ACVR1: variants seen among roughly 807,000 people sequenced by gnomAD.
The protein encoded by ACVR1 is activin receptor type-1.
ACVR1 carries 38 observed loss-of-function variants against 57.1 expected under a neutral mutation model. The ratio of observed to expected loss-of-function variants is 0.67; its 90% CI spans 0.51 to 0.87. ACVR1 has a LOEUF of 0.87. Among genes scored for constraint, ACVR1 ranks in the 40% least tolerant of loss-of-function variants. The probability of loss-of-function intolerance (pLI) is 0.00; values close to 1 mark genes in which losing one functional copy is unlikely to be tolerated. For synonymous variants in ACVR1, 212 were observed against 228.1 expected (o/e 0.93, Z 0.63); for missense variants, 463 against 638.2 (o/e 0.73, Z 2.96).
intron 1 of ACVR1, among the ~76,000 whole-genome samples, chr2:157,822,027 TTGGCTTCTAGAAACTG>T (rs1410504955): frequency 6.6e-6 from 1 of 152,320 alleles, no homozygotes; most frequent in South Asian, 2.1e-4. Context: ...AATCATATCC[TTGGCTTCTAGAAACTG>T]TGGCTTCTAA....
chr2:157,861,839 T>C (rs953696903), intron 1 of ACVR1, among the ~76,000 whole-genome samples: 7 of 152,358 alleles, frequency 4.6e-5, no homozygotes, highest in African/African-American at 1.7e-4. Flanking sequence ...TTCACCACCC[T>C]TTAACTTCAA....
chr2:157,831,889 A>G (rs974232550), intron 1 of ACVR1, among the ~76,000 whole-genome samples: 3 of 152,226 alleles, frequency 2.0e-5, no homozygotes, highest in African/African-American at 7.2e-5. Flanking sequence ...CTACACTAAA[A>G]ACCACTGAAT....
chr2:157,865,661 G>A (rs968897859), intron 1 of ACVR1, among the ~76,000 whole-genome samples: 25 of 151,842 alleles, frequency 1.6e-4, no homozygotes, highest in Middle Eastern at 3.4e-3. Context: ...GCGTGGTGGC[G>A]CATGCTTGTA....
intron 6 of ACVR1, among the ~76,000 whole-genome samples, chr2:157,772,530 T>C (rs1043734846): frequency 6.6e-6 from 1 of 152,196 alleles, no homozygotes; most frequent in African/African-American, 2.4e-5. Context: ...CTGAGGAATA[T>C]CTATAGAACC....
chr2:157,819,743 G>A (rs564267097), intron 1 of ACVR1, among the ~76,000 whole-genome samples: 80 of 142,284 alleles, frequency 5.6e-4, no homozygotes, highest in African/African-American at 2.0e-3. Flanking sequence ...GGGAAGAGGA[G>A]GGGAGGCTCT....
At chr2:157,865,888 G>T (rs890152939) in intron 1 of ACVR1, among the ~76,000 whole-genome samples, 1 of 151,110 alleles carries the variant, frequency 6.6e-6, no homozygotes, top group East Asian at 1.9e-4. Flanking sequence ...TTCTGCAGGC[G>T]TGGGGATATA....
At chr2:157,874,102 A>G (rs1690199246) in intron 1 of ACVR1, among the ~76,000 whole-genome samples, 1 of 152,164 alleles carries the variant, frequency 6.6e-6, no homozygotes, top group Non-Finnish European at 1.5e-5. Context: ...CATGAACCCA[A>G]TCTATAATCA....
At chr2:157,757,330 C>T (rs1484084628) in intron 9 of ACVR1, among the ~76,000 whole-genome samples, 1 of 151,516 alleles carries the variant, frequency 6.6e-6, no homozygotes, top group African/African-American at 2.4e-5. Flanking sequence ...TTATCCCTAT[C>T]CCCCAAAAAA....
chr2:157,866,024 A>G (rs1393901083), intron 1 of ACVR1, among the ~76,000 whole-genome samples: 2 of 152,300 alleles, frequency 1.3e-5, no homozygotes, highest in African/African-American at 4.8e-5. Context: ...TTGTGCACAC[A>G]TATTCCTGTC....
chr2:157,753,188 T>C (rs1448309818), intron 9 of ACVR1, among the ~76,000 whole-genome samples: 1 of 152,202 alleles, frequency 6.6e-6, no homozygotes. Flanking sequence ...AAACAAACTT[T>C]AAAGCAACAT....
rs571637254 is a variant in ACVR1, at chr2:157,758,535, G to T, written c.1264+2345C>A. On this transcript the variant is annotated intron_variant, in intron 9 of 10. Coordinates refer to ENST00000434821, the MANE Select transcript of ACVR1 (RefSeq NM_001111067.4). ...TCTAGATATATATGCACCCAACACT[G>T]GAGCATTTTTATACAAAGCAAATAT... Among the ~76,000 whole-genome samples, 12 of 152,008 alleles carry T rather than the reference G, an allele frequency of 7.9e-5. No individual in the cohort carries two copies. In the South Asian group the frequency reaches 2.5e-3, roughly 32 times the overall value.
intron 1 of ACVR1, among the ~76,000 whole-genome samples, chr2:157,836,385 C>T (rs1235070289): frequency 5.3e-5 from 8 of 152,196 alleles, no homozygotes; most frequent in Admixed American, 5.2e-4. Flanking sequence ...AGCCAGGAAC[C>T]TTGAGACAGC....
chr2:157,810,354 G>C (rs977461528), intron 2 of ACVR1, among the ~76,000 whole-genome samples: 1 of 152,174 alleles, frequency 6.6e-6, no homozygotes, highest in Non-Finnish European at 1.5e-5. Context: ...GTAAGAACAT[G>C]ATGGGGGACA....
At chr2:157,766,268 G>C in intron 7 of ACVR1, 72 bp from the exon 8 acceptor site, 1 of 1,464,734 alleles carries the variant, frequency 6.8e-7, no homozygotes, top group Non-Finnish European at 9.5e-7. Flanking sequence ...TAGAAATAGC[G>C]ACCTACACAG....
At chr2:157,804,889 T>C (rs1185976589) in intron 2 of ACVR1, among the ~76,000 whole-genome samples, 2 of 152,196 alleles carry the variant, frequency 1.3e-5, no homozygotes, top group Non-Finnish European at 2.9e-5. Context: ...CTGTATGTAG[T>C]TAAGAAGCTA....
intron 3 of ACVR1, among the ~76,000 whole-genome samples, chr2:157,789,464 G>A (rs1356279766): frequency 3.9e-5 from 6 of 152,196 alleles, no homozygotes; most frequent in African/African-American, 1.4e-4. Flanking sequence ...TCTGGCTCCT[G>A]TAGCTGCAGA....
rs183710212 is a variant in ACVR1, at chr2:157,836,157, T to C, written c.-182-17598A>G. 1.0e-4 allele frequency among the ~76,000 whole-genome samples: 16 copies of C among 152,394 alleles called. 1 individual carries two copies. The highest frequency in any genetic ancestry group is 3.8e-4 in the African/African-American group (16 of 41,602). ...ATCTAATATTCATCATGGGGAGTCGTATTTCCTCAGAGCAGGCTCTCTACT... is the reference window on the plus strand; with the variant it reads ...ATCTAATATTCATCATGGGGAGTCGCATTTCCTCAGAGCAGGCTCTCTACT... On this transcript the variant is annotated intron_variant, in intron 1 of 10. Transcript: ENST00000434821.
intron 1 of ACVR1, among the ~76,000 whole-genome samples, chr2:157,874,466 G>A (rs532059343): frequency 6.6e-6 from 1 of 152,328 alleles, no homozygotes; most frequent in Non-Finnish European, 1.5e-5. Context: ...CACAAGTCTA[G>A]TGTCTGCTGG....
rs576513148 is a variant in ACVR1, at chr2:157,817,651, G to C, written c.-8+734C>G. ...TAGATGAGAACTCTTTCTATTTTCT[G>C]CTCAATTTTGCTGTGAACCTAAAAC... On this transcript the variant is annotated intron_variant, in intron 2 of 10. Transcript: ENST00000434821. 3.3e-5 allele frequency among the ~76,000 whole-genome samples: 5 copies of C among 152,192 alleles called. No homozygotes were observed. In the East Asian group the frequency reaches 9.6e-4, roughly 29 times the overall value.
Sources: allele counts gnomAD v4.1 joint callset (sites outside exome capture counted in the v4.1 genomes callset), GRCh38; gene constraint gnomAD v4.1.1; transcripts MANE v1.5; gene names NCBI Gene and HGNC (gene_info 2026-07-23, HGNC 2026-07-21).